Variants in FHIT observed in about 807,000 individuals in gnomAD.
The protein encoded by FHIT is fragile histidine triad diadenosine triphosphatase.
FHIT carries 19 observed loss-of-function variants against 17.9 expected under a neutral mutation model. The ratio of observed to expected loss-of-function variants is 1.06; its 90% CI spans 0.74 to 1.56. The LOEUF (loss-of-function observed/expected upper bound fraction) is 1.56, where lower values mean the gene tolerates loss of function less well. Among genes scored for constraint, FHIT ranks in the 40% most tolerant of loss-of-function variants. The pLI is 0.00. For synonymous variants in FHIT, 81 were observed against 69.7 expected (o/e 1.16, Z -0.81); for missense variants, 248 against 189.2 (o/e 1.31, Z -1.82).
At chr3:60,161,977 A>C (rs1224631846) in intron 5 of FHIT, among the ~76,000 whole-genome samples, 1 of 152,214 alleles carries the variant, frequency 6.6e-6, no homozygotes, top group East Asian at 1.9e-4. Context: ...AGCAAGAAGA[A>C]GGTAAACCGG....
At chr3:60,758,193 T>A (rs1436683694) in intron 4 of FHIT, among the ~76,000 whole-genome samples, 1 of 152,146 alleles carries the variant, frequency 6.6e-6, no homozygotes, top group African/African-American at 2.4e-5. Context: ...GTCACACAGC[T>A]CTCCCTCAGG....
chr3:59,852,555 G>A (rs968317481), intron 8 of FHIT, among the ~76,000 whole-genome samples: 48 of 152,112 alleles, frequency 3.2e-4, no homozygotes, highest in African/African-American at 1.1e-3. Flanking sequence ...TTTACAAGAG[G>A]ATTCAGTCTT....
At chr3:60,069,229 T>C (rs1408940627) in intron 5 of FHIT, among the ~76,000 whole-genome samples, 1 of 152,112 alleles carries the variant, frequency 6.6e-6, no homozygotes, top group African/African-American at 2.4e-5. Flanking sequence ...GTAGAGAAAT[T>C]TCATATTTTA....
chr3:60,394,005 T>C (rs1007404455), intron 5 of FHIT, among the ~76,000 whole-genome samples: 4 of 152,046 alleles, frequency 2.6e-5, no homozygotes, highest in Admixed American at 6.6e-5. Flanking sequence ...CTCTGGAGAA[T>C]GGACGGGAAA....
At chr3:60,796,703 T>A (rs959041453) in intron 4 of FHIT, among the ~76,000 whole-genome samples, 3 of 152,144 alleles carry the variant, frequency 2.0e-5, no homozygotes, top group African/African-American at 7.2e-5. Flanking sequence ...TGCCTCAGCC[T>A]CCTTCATAGC....
intron 4 of FHIT, among the ~76,000 whole-genome samples, chr3:60,791,971 T>C (rs528583746): frequency 6.6e-6 from 1 of 152,330 alleles, no homozygotes; most frequent in East Asian, 1.9e-4. Context: ...CCTCTCAAAA[T>C]TGGTGTCCCC....
chr3:60,820,274 C>T (rs1167766099), intron 4 of FHIT, among the ~76,000 whole-genome samples: 1 of 152,148 alleles, frequency 6.6e-6, no homozygotes, highest in Admixed American at 6.5e-5. Flanking sequence ...CACCATTGTA[C>T]TCCAGCCTGG....
chr3:60,052,313 C>G (rs774814554), intron 5 of FHIT, among the ~76,000 whole-genome samples: 2 of 152,040 alleles, frequency 1.3e-5, no homozygotes, highest in Non-Finnish European at 2.9e-5. Context: ...CGAGTACACC[C>G]TGAAAAACTA....
chr3:60,342,243 C>T (rs1206080189), intron 5 of FHIT, among the ~76,000 whole-genome samples: 1 of 152,216 alleles, frequency 6.6e-6, no homozygotes, highest in Non-Finnish European at 1.5e-5. Context: ...TACACAATTG[C>T]ATGAGCAATG....
intron 5 of FHIT, among the ~76,000 whole-genome samples, chr3:60,516,601 T>A (rs1350198157): frequency 6.6e-6 from 1 of 152,212 alleles, no homozygotes; most frequent in Non-Finnish European, 1.5e-5. Context: ...GCTCATATTA[T>A]CTCATTCTCT....
intron 5 of FHIT, among the ~76,000 whole-genome samples, chr3:60,321,105 C>T (rs988678504): frequency 3.9e-5 from 6 of 152,140 alleles, no homozygotes; most frequent in Non-Finnish European, 5.9e-5. Flanking sequence ...TCAGGGACTC[C>T]CCAACTCTAA....
At chr3:60,970,024 A>G (rs1266899023) in intron 3 of FHIT, among the ~76,000 whole-genome samples, 2 of 152,040 alleles carry the variant, frequency 1.3e-5, no homozygotes, top group African/African-American at 4.8e-5. Flanking sequence ...GGGTTTCGCC[A>G]TGTTTTCCAG....
At chr3:60,892,901 C>G (rs6786603) in intron 3 of FHIT, among the ~76,000 whole-genome samples, 1 of 152,220 alleles carries the variant, frequency 6.6e-6, no homozygotes, top group African/African-American at 2.4e-5. Flanking sequence ...AAAAATACAG[C>G]TTTAACTGCA....
At chr3:60,341,723 C>A (rs1485584249) in intron 5 of FHIT, among the ~76,000 whole-genome samples, 1 of 152,150 alleles carries the variant, frequency 6.6e-6, no homozygotes, top group African/African-American at 2.4e-5. Context: ...AGATTGACTT[C>A]CAACTTAACA....
At chr3:60,209,291 G>A (rs534286105) in intron 5 of FHIT, among the ~76,000 whole-genome samples, 88 of 152,242 alleles carry the variant, frequency 5.8e-4, no homozygotes, top group African/African-American at 1.6e-3. Context: ...AGTGCTCTTC[G>A]GCAAGTATGT....
chr3:60,214,536 G>A (rs1256693476), intron 5 of FHIT, among the ~76,000 whole-genome samples: 1 of 152,156 alleles, frequency 6.6e-6, no homozygotes, highest in African/African-American at 2.4e-5. Context: ...AGGCGACAGA[G>A]TAAAGGGAAC....
At chr3:61,212,190 G>A (rs201334021) in intron 1 of FHIT, among the ~76,000 whole-genome samples, 18 of 152,308 alleles carry the variant, frequency 1.2e-4, no homozygotes, top group East Asian at 3.9e-4. Context: ...GGCTTCAGAC[G>A]ATCAAACTAC....
At chr3:60,566,349 G>A (rs1011554336) in intron 4 of FHIT, among the ~76,000 whole-genome samples, 74 of 151,974 alleles carry the variant, frequency 4.9e-4, no homozygotes, top group Admixed American at 8.5e-4. Flanking sequence ...CAGAACCAAC[G>A]ACAAAAACCA....
intron 7 of FHIT, among the ~76,000 whole-genome samples, chr3:60,000,806 A>AC (rs1169767203): frequency 2.6e-5 from 4 of 152,176 alleles, no homozygotes; most frequent in African/African-American, 9.7e-5. Flanking sequence ...ACAATTCCTT[A>AC]CCACAGCATA....
Sources: gnomAD v4.1 joint callset for allele counts (sites outside exome capture counted in the v4.1 genomes callset) on GRCh38, gnomAD v4.1.1 for gene constraint, MANE v1.5 for transcripts, NCBI Gene and HGNC (gene_info 2026-07-23, HGNC 2026-07-21) for gene names.